GCNT2: variants seen among roughly 807,000 people sequenced by gnomAD.
GCNT2 encodes glucosaminyl (N-acetyl) transferase 2 (I blood group).
GCNT2 carries 34 observed loss-of-function variants against 34.2 expected under a neutral mutation model. The observed-to-expected ratio is 1.00, with a 90% CI of 0.76 to 1.32. The LOEUF (loss-of-function observed/expected upper bound fraction) is 1.32, where lower values mean the gene tolerates loss of function less well. GCNT2 is among the 40% of genes most tolerant of loss of function. The pLI, the probability that GCNT2 is intolerant of heterozygous loss-of-function variation, is 0.00. For synonymous variants in GCNT2, 212 were observed against 188.0 expected, an observed-to-expected ratio of 1.13 and a Z score of -1.04; for missense variants, 584 against 489.4, an observed-to-expected ratio of 1.19 and a Z score of -1.82.
intron 3 of GCNT2, among the ~76,000 whole-genome samples, chr6:10,617,019 C>G (rs1039132324): frequency 6.6e-6 from 1 of 152,234 alleles, no homozygotes; most frequent in African/African-American, 2.4e-5. Flanking sequence ...GCACCAGGGC[C>G]GCAGGTGGAG....
At chr6:10,555,863 C>T in intron 3 of GCNT2, 2 of 991,390 alleles carry the variant, frequency 2.0e-6, no homozygotes, top group Non-Finnish European at 1.2e-6. Flanking sequence ...TATTTTCTAT[C>T]CCGTGGGTTG....
At position 10,594,391 on chromosome 6, in the gene GCNT2, A is replaced by C. The variant is rs556501208; in HGVS notation, c.926-26960A>C. On this transcript the variant is annotated intron_variant, in intron 3 of 4. Coordinates refer to ENST00000495262, the MANE Select transcript of GCNT2 (RefSeq NM_145649.5). ...TTGATTGCATATGGCAGACTTCATG[A>C]AAGTGGTATGCAAATAACTGATATT... Among the ~76,000 whole-genome samples the C allele has an allele frequency of 6.6e-5, 10 of 152,336 alleles. No homozygotes were observed. The South Asian group carries it at 1.0e-3, about 16-fold the overall frequency.
intron 1 of GCNT2, among the ~76,000 whole-genome samples, chr6:10,523,242 G>GA (rs1761007068): frequency 1.3e-5 from 2 of 151,928 alleles, no homozygotes; most frequent in South Asian, 4.2e-4. Flanking sequence ...CCAGCATGGT[G>GA]AAACCCCATC....
At chr6:10,539,909 C>G (rs1761960382) in intron 3 of GCNT2, among the ~76,000 whole-genome samples, 1 of 152,140 alleles carries the variant, frequency 6.6e-6, no homozygotes, top group Non-Finnish European at 1.5e-5. Context: ...GAAATTCCAT[C>G]TCTACAAAAA....
chr6:10,594,276 T>C (rs1473119002), intron 3 of GCNT2, among the ~76,000 whole-genome samples: 1 of 152,180 alleles, frequency 6.6e-6, no homozygotes, highest in Non-Finnish European at 1.5e-5. Flanking sequence ...GACTGGCACA[T>C]GTATAGATTT....
At chr6:10,595,571 G>A (rs1434152588) in intron 3 of GCNT2, among the ~76,000 whole-genome samples, 3 of 152,072 alleles carry the variant, frequency 2.0e-5, no homozygotes, top group South Asian at 2.1e-4. Flanking sequence ...CACTCTGCCC[G>A]GCCGGTTGGT....
chr6:10,599,167 T>C (rs2127425625), intron 3 of GCNT2, among the ~76,000 whole-genome samples: 1 of 152,262 alleles, frequency 6.6e-6, no homozygotes, highest in Non-Finnish European at 1.5e-5. Context: ...CCAGAGCTCA[T>C]CCTGCACAAG....
chr6:10,605,397 A>G (rs1201414329), intron 3 of GCNT2, among the ~76,000 whole-genome samples: 1 of 149,742 alleles, frequency 6.7e-6, no homozygotes, highest in Non-Finnish European at 1.5e-5. Flanking sequence ...CTTTGTAGAG[A>G]CAGAATTTCA....
intron 3 of GCNT2, among the ~76,000 whole-genome samples, chr6:10,554,007 G>C (rs934023223): frequency 1.3e-5 from 2 of 152,232 alleles, no homozygotes; most frequent in Admixed American, 6.5e-5. Context: ...TGTCTAGCCT[G>C]ATTAATTGGC....
At chr6:10,556,756 C>G in intron 3 of GCNT2, 1 of 1,614,164 alleles carries the variant, frequency 6.2e-7, no homozygotes, top group Non-Finnish European at 8.5e-7. Context: ...TTGCAAGGCT[C>G]TTCAGGGCTA....
intron 3 of GCNT2, among the ~76,000 whole-genome samples, chr6:10,596,761 A>G (rs773742797): frequency 7.2e-5 from 11 of 151,918 alleles, no homozygotes; most frequent in African/African-American, 2.4e-4. Context: ...ATGAGTCCAA[A>G]GTATGTTTGA....
chr6:10,585,733 A>G (rs968665410), intron 3 of GCNT2: 4 of 1,374,508 alleles, frequency 2.9e-6, no homozygotes, highest in Middle Eastern at 2.7e-4. Context: ...GCCTTTGCAA[A>G]CAGCAGGGAT....
intron 3 of GCNT2, among the ~76,000 whole-genome samples, chr6:10,616,283 A>AT (rs1289652388): frequency 2.0e-5 from 3 of 152,164 alleles, no homozygotes; most frequent in African/African-American, 7.2e-5. Flanking sequence ...CTTCGTGGTG[A>AT]GTGTTACCAC....
At chr6:10,587,127 C>A (rs780948443) in intron 3 of GCNT2, among the ~76,000 whole-genome samples, 3 of 152,186 alleles carry the variant, frequency 2.0e-5, no homozygotes, top group Non-Finnish European at 2.9e-5. Flanking sequence ...GTCGCCCCAG[C>A]AAAACTAACT....
chr6:10,586,459 A>G (rs757382592), intron 3 of GCNT2: 3 of 1,614,164 alleles, frequency 1.9e-6, no homozygotes, highest in Non-Finnish European at 2.5e-6. Context: ...TCAAAGACAG[A>G]GTCTGTGGTT....
chr6:10,616,551 A>G (rs1765773436), intron 3 of GCNT2, among the ~76,000 whole-genome samples: 1 of 152,220 alleles, frequency 6.6e-6, no homozygotes, highest in Non-Finnish European at 1.5e-5. Context: ...AGCTAGACAC[A>G]GAGTGCTGAT....
chr6:10,532,543 A>T (rs1049406236), intron 3 of GCNT2, among the ~76,000 whole-genome samples: 1 of 152,100 alleles, frequency 6.6e-6, no homozygotes, highest in Non-Finnish European at 1.5e-5. Flanking sequence ...TACAGGTGTG[A>T]GCCACACAGC....
At chr6:10,578,593 C>T (rs1434881863) in intron 3 of GCNT2, among the ~76,000 whole-genome samples, 2 of 151,558 alleles carry the variant, frequency 1.3e-5, no homozygotes, top group Non-Finnish European at 2.9e-5. Flanking sequence ...ACTAGAGGCA[C>T]GCGCCACCTC....
chr6:10,595,379 G>A (rs1193276609), intron 3 of GCNT2, among the ~76,000 whole-genome samples: 2 of 151,940 alleles, frequency 1.3e-5, no homozygotes, highest in African/African-American at 4.8e-5. Flanking sequence ...CTGGGTTCAC[G>A]CCATTCTCCT....
Sources: allele counts gnomAD v4.1 joint callset (sites outside exome capture counted in the v4.1 genomes callset), GRCh38; gene constraint gnomAD v4.1.1; transcripts MANE v1.5; gene names NCBI Gene and HGNC (gene_info 2026-07-23, HGNC 2026-07-21).